The following TTPAL variants were observed in gnomAD, a reference collection of about 807,000 sequenced individuals.
The protein encoded by TTPAL is alpha-tocopherol transfer protein-like.
Under a neutral mutation model 28.7 loss-of-function variants are expected in TTPAL, and 21 were observed. That is an observed-to-expected ratio of 0.73 (90% CI 0.52 to 1.06). The LOEUF is 1.06. TTPAL is among the 50% of genes least tolerant of loss of function. The probability of loss-of-function intolerance (pLI) is 0.00; values close to 1 mark genes in which losing one functional copy is unlikely to be tolerated. For missense variants in TTPAL, 345 were observed against 425.5 expected (o/e 0.81, Z 1.67); for synonymous variants, 169 against 171.9 (o/e 0.98, Z 0.13).
intron 3 of TTPAL, chr20:44,486,089 C>CT (rs909136930): frequency 4.1e-4 from 61 of 149,116 alleles, no homozygotes; most frequent in South Asian, 1.5e-3. Flanking sequence ...TGCCTCTCTT[C>CT]TTTTTTTTTT....
rs2064221291 is a variant in TTPAL at position 44,492,972 on chromosome 20, T to C, written c.*3431T>C. The stretch of plus-strand genomic sequence containing the variant: ...TCCTGGTTTCACAAGGAGTCACTTA[T>C]CTTAGGAGGTCTGTAAGTCAGGTTA... On this transcript the variant is annotated 3_prime_UTR_variant, in exon 5 of 5. Transcript: ENST00000262605. 6.6e-6 allele frequency: 1 copy of C among 152,324 alleles called. No homozygotes were observed. The highest frequency in any genetic ancestry group is 1.5e-5 in the Non-Finnish European group (1 of 68,034). The allele number at this position is 152,324 out of a possible 1,614,324, so 9.4% of individuals were successfully genotyped here.
At position 44,491,449 on chromosome 20, in the gene TTPAL, C is replaced by A. The variant is rs182843881; in HGVS notation, c.*1908C>A. 13 of 152,388 alleles carry A rather than the reference C, an allele frequency of 8.5e-5. No individual in the cohort carries two copies. In the East Asian group the frequency reaches 2.3e-3, roughly 26 times the overall value. 9.4% of individuals were successfully genotyped at this position (152,388 alleles called of 1,614,324 possible). A position where few individuals can be genotyped will look rare whatever the true frequency, so the allele number is the denominator to read the frequency against. On this transcript the variant is annotated 3_prime_UTR_variant, in exon 5 of 5. Transcript: ENST00000262605. The stretch of plus-strand genomic sequence containing the variant: ...GCAGACAGCTCAGTTAGGGAGAAAA[C>A]AATACTCTGAAATTTGAAGGCCAAT...
chr20:44,484,240 A>G (rs2122857302), intron 2 of TTPAL, 97 bp from the exon 3 acceptor site: 1 of 863,652 alleles, frequency 1.2e-6, no homozygotes, highest in Non-Finnish European at 1.7e-6. Context: ...TTTCTTTTCC[A>G]TTTTGAAACA....
chr20:44,483,989 G>A (rs771294905), intron 2 of TTPAL, among the ~76,000 whole-genome samples: 1 of 152,016 alleles, frequency 6.6e-6, no homozygotes, highest in Non-Finnish European at 1.5e-5. Flanking sequence ...ATGGGGTTTC[G>A]CCATGTTGCC....
rs372144278 is a variant in TTPAL at position 44,484,320 on chromosome 20, A to G, written c.446-17A>G. On this transcript the variant is annotated splice_polypyrimidine_tract_variant and intron_variant, in intron 2 of 4. Transcript: ENST00000262605. ...TATTAACTTCTGTAACATACTGTCA[A>G]TCTCTTATGACCTTAGACAGATGGA... 9.5e-6 allele frequency: 14 copies of G among 1,480,328 alleles called. No individual in the cohort carries two copies. The highest frequency in any genetic ancestry group is 6.9e-5 in the African/African-American group (5 of 72,230). 91.7% of individuals were successfully genotyped at this position (1,480,328 alleles called of 1,614,324 possible).
chr20:44,487,382 C>T (rs1488619831), intron 4 of TTPAL, among the ~76,000 whole-genome samples: 4 of 152,108 alleles, frequency 2.6e-5, no homozygotes, highest in African/African-American at 9.7e-5. Context: ...TTCAAGGCTG[C>T]CATGGGCTTG....
intron 1 of TTPAL, among the ~76,000 whole-genome samples, chr20:44,476,412 T>C (rs547474266): frequency 5.9e-5 from 9 of 152,294 alleles, no homozygotes; most frequent in Middle Eastern, 3.4e-3. Flanking sequence ...AAGCTCCAGG[T>C]GGAGGGTACA....
At position 44,493,265 on chromosome 20, in the gene TTPAL, C is replaced by G. The variant is rs944310104; in HGVS notation, c.*3724C>G. 1 of 152,250 alleles carries G rather than the reference C, an allele frequency of 6.6e-6. No individual in the cohort carries two copies. Among genetic ancestry groups the G allele is most frequent in the East Asian group, 1.9e-4 (1 of 5,306 alleles). The allele number at this position is 152,250 out of a possible 1,614,324, so 9.4% of individuals were successfully genotyped here. A position where few individuals can be genotyped will look rare whatever the true frequency, so the allele number is the denominator to read the frequency against. ...CGCCATTGCACTCCAGCCTGGGTGACGAGTGAAACTCCATCTCAAAAATAA... is the reference window on the plus strand; with the variant it reads ...CGCCATTGCACTCCAGCCTGGGTGAGGAGTGAAACTCCATCTCAAAAATAA... On this transcript the variant is annotated 3_prime_UTR_variant, in exon 5 of 5. Coordinates refer to ENST00000262605, the MANE Select transcript of TTPAL (RefSeq NM_001039199.3).
intron 2 of TTPAL, among the ~76,000 whole-genome samples, chr20:44,482,874 T>C (rs547327631): frequency 2.0e-5 from 3 of 152,150 alleles, no homozygotes; most frequent in Non-Finnish European, 4.4e-5. Flanking sequence ...AGCTTTTTTT[T>C]TGAGACAGAG....
chr20:44,488,532 T>C (rs1349698239), intron 4 of TTPAL, among the ~76,000 whole-genome samples: 2 of 152,088 alleles, frequency 1.3e-5, no homozygotes, highest in African/African-American at 4.8e-5. Flanking sequence ...TATCTAGTAT[T>C]AGAATGTGGT....
At chr20:44,477,251 C>T (rs1293609939) in intron 1 of TTPAL, among the ~76,000 whole-genome samples, 1 of 152,184 alleles carries the variant, frequency 6.6e-6, no homozygotes, top group Non-Finnish European at 1.5e-5. Context: ...CTCTTGGTTA[C>T]TTCCATAGAA....
chr20:44,493,019 A>G lies in TTPAL; in HGVS notation c.*3478A>G, dbSNP rs1249103828. 1 of 152,370 alleles carries G rather than the reference A, an allele frequency of 6.6e-6. No individual in the cohort carries two copies. The highest frequency in any genetic ancestry group is 2.4e-5 in the African/African-American group (1 of 41,462). The allele number at this position is 152,370 out of a possible 1,614,324, so 9.4% of individuals were successfully genotyped here. A position where few individuals can be genotyped will look rare whatever the true frequency, so the allele number is the denominator to read the frequency against. The stretch of plus-strand genomic sequence containing the variant: ...GTTACAAGGCCGGGAGCGGTGGCTC[A>G]CACCTGTAATCCCAACACTTTGAGC... On this transcript the variant is annotated 3_prime_UTR_variant, in exon 5 of 5. Coordinates refer to ENST00000262605, the MANE Select transcript of TTPAL (RefSeq NM_001039199.3).
chr20:44,478,814 G>A (rs376096090), intron 1 of TTPAL, among the ~76,000 whole-genome samples: 53 of 152,220 alleles, frequency 3.5e-4, no homozygotes, highest in African/African-American at 1.0e-3. Context: ...TGTTTTGAGA[G>A]GGAGTCTTGC....
chr20:44,479,873 C>T (rs942952624), intron 1 of TTPAL, 112 bp from the exon 2 acceptor site: 19 of 877,304 alleles, frequency 2.2e-5, no homozygotes, highest in Non-Finnish European at 3.1e-5. Flanking sequence ...TTGAGAAACA[C>T]TGCCCTGAGG....
At chr20:44,488,294 A>G (rs571053950) in intron 4 of TTPAL, among the ~76,000 whole-genome samples, 35 of 152,306 alleles carry the variant, frequency 2.3e-4, no homozygotes, top group African/African-American at 7.0e-4. Flanking sequence ...GTGGGTCCCT[A>G]AAGATTCTGT....
Position 44,489,906 on chromosome 20 carries a change from A to G in TTPAL, c.*365A>G, listed in dbSNP as rs1215309014. ...AAAGTCACTTTGATCCCACTTTTCCAGGAGAAAAACCACCTGTTTGGCCAG... is the reference window on the plus strand; with the variant it reads ...AAAGTCACTTTGATCCCACTTTTCCGGGAGAAAAACCACCTGTTTGGCCAG... On this transcript the variant is annotated 3_prime_UTR_variant, in exon 5 of 5. Transcript: ENST00000262605. 3 of 215,860 alleles carry G rather than the reference A, an allele frequency of 1.4e-5. No homozygotes were observed. The highest frequency in any genetic ancestry group is 4.6e-5 in the African/African-American group (2 of 43,646). The allele number at this position is 215,860 out of a possible 1,614,324, so 13.4% of individuals were successfully genotyped here. A position where few individuals can be genotyped will look rare whatever the true frequency, so the allele number is the denominator to read the frequency against.
Position 44,484,527 on chromosome 20 carries a change from C to T in TTPAL, c.636C>T (p.Leu212=). Residue 212 remains leucine (L), a synonymous_variant, in exon 3 of 5, where the codon CTC becomes CTT. Transcript: ENST00000262605. ...PFIAKKVIGI[L]QDGFPIRIKA... is the part of the protein sequence containing the mutation. ...TAGCCAAAAAGGTGATTGGCATCCTCCAGGTAAGACCCGTATGTGTCCTGC... is the reference window on the plus strand; with the variant it reads ...TAGCCAAAAAGGTGATTGGCATCCTTCAGGTAAGACCCGTATGTGTCCTGC... 2 of 1,564,470 alleles carry T rather than the reference C, an allele frequency of 1.3e-6. No individual in the cohort carries two copies. Among genetic ancestry groups the T allele is most frequent in the Non-Finnish European group, 1.8e-6 (2 of 1,141,444 alleles).
chr20:44,487,734 G>A (rs2064165321), intron 4 of TTPAL, among the ~76,000 whole-genome samples: 2 of 152,170 alleles, frequency 1.3e-5, no homozygotes, highest in African/African-American at 4.8e-5. Flanking sequence ...CCTAGGCCTA[G>A]GAAGGTCACT....
At chr20:44,482,563 A>T (rs1212931986) in intron 2 of TTPAL, among the ~76,000 whole-genome samples, 3 of 144,422 alleles carry the variant, frequency 2.1e-5, no homozygotes, top group African/African-American at 7.8e-5. Context: ...ACAGGGCAAG[A>T]CTCTGTCTCA....
Sources: allele counts gnomAD v4.1 joint callset (sites outside exome capture counted in the v4.1 genomes callset), GRCh38; gene constraint gnomAD v4.1.1; transcripts MANE v1.5; gene names NCBI Gene and HGNC (gene_info 2026-07-23, HGNC 2026-07-21).